DCAF1: variants seen among roughly 807,000 people sequenced by gnomAD.
The protein encoded by DCAF1 is DDB1 and CUL4 associated factor 1.
DCAF1 carries 15 observed loss-of-function variants against 128.0 expected under a neutral mutation model. The ratio of observed to expected loss-of-function variants is 0.12; its 90% CI spans 0.08 to 0.18. DCAF1 has a LOEUF of 0.18. Ranked by LOEUF, DCAF1 falls within the 10% of genes least tolerant of loss-of-function variation. The pLI is 1.00. For synonymous variants in DCAF1, 610 were observed against 603.0 expected (o/e 1.01, Z -0.17); for missense variants, 988 against 1,649.5 (o/e 0.60, Z 6.95).
chr3:51,435,044 C>G (rs1010833573), intron 9 of DCAF1, among the ~76,000 whole-genome samples: 2 of 152,198 alleles, frequency 1.3e-5, no homozygotes, highest in African/African-American at 4.8e-5. Context: ...GTGCCCTCTT[C>G]AAAAGTTCTC....
intron 3 of DCAF1, among the ~76,000 whole-genome samples, chr3:51,474,743 C>G (rs1364444259): frequency 6.6e-6 from 1 of 151,282 alleles, no homozygotes; most frequent in African/African-American, 2.4e-5. Flanking sequence ...GCGTCAGCTT[C>G]CCAAGTAGGT....
chr3:51,484,631 G>A (rs1289730167), intron 2 of DCAF1, among the ~76,000 whole-genome samples: 2 of 151,736 alleles, frequency 1.3e-5, no homozygotes, highest in East Asian at 3.9e-4. Flanking sequence ...AGTCCTTTGA[G>A]GGAAGTTCTA....
chr3:51,430,688 AT>A (rs1215569709), intron 10 of DCAF1, among the ~76,000 whole-genome samples: 2 of 152,096 alleles, frequency 1.3e-5, no homozygotes, highest in African/African-American at 4.8e-5. Flanking sequence ...TTTCCTTGAT[AT>A]TTTTTTCTCT....
At chr3:51,460,389 C>T (rs1703408206) in intron 6 of DCAF1, among the ~76,000 whole-genome samples, 2 of 152,068 alleles carry the variant, frequency 1.3e-5, no homozygotes, top group Admixed American at 1.3e-4. Context: ...AACTACAAAC[C>T]ACTGCTCAAT....
At chr3:51,459,710 T>C (rs1185351282) in intron 6 of DCAF1, among the ~76,000 whole-genome samples, 2 of 152,184 alleles carry the variant, frequency 1.3e-5, no homozygotes, top group Non-Finnish European at 2.9e-5. Context: ...TTATCTACCA[T>C]GATCAAGTGG....
intron 3 of DCAF1, 48 bp from the exon 4 acceptor site, chr3:51,471,053 T>C (rs781973342): frequency 7.6e-7 from 1 of 1,312,292 alleles, no homozygotes; most frequent in African/African-American, 1.5e-5. Flanking sequence ...CATAAAAAAA[T>C]GGACCACCAC....
At chr3:51,445,784 G>A (rs1408205251) in intron 6 of DCAF1, among the ~76,000 whole-genome samples, 2 of 152,172 alleles carry the variant, frequency 1.3e-5, no homozygotes, top group Middle Eastern at 6.8e-3. Flanking sequence ...CACCAATAGT[G>A]AATAGAAGTC....
intron 24 of DCAF1, 21 bp downstream of exon 24, chr3:51,403,121 CT>C: frequency 6.3e-7 from 1 of 1,590,730 alleles, no homozygotes; most frequent in Non-Finnish European, 8.6e-7. Context: ...AAGGCTCAGC[CT>C]GAACTCTGCC....
At chr3:51,472,704 G>T (rs1467038816) in intron 3 of DCAF1, among the ~76,000 whole-genome samples, 1 of 148,730 alleles carries the variant, frequency 6.7e-6, no homozygotes, top group African/African-American at 2.5e-5. Context: ...TTCACTCGTT[G>T]CCCAGGCTGG....
At chr3:51,425,753 G>A (rs1559497063) in intron 13 of DCAF1, among the ~76,000 whole-genome samples, 1 of 151,436 alleles carries the variant, frequency 6.6e-6, no homozygotes, top group Non-Finnish European at 1.5e-5. Flanking sequence ...TGGTAGAGAT[G>A]GGGTTTCACC....
intron 24 of DCAF1, among the ~76,000 whole-genome samples, chr3:51,401,250 G>A (rs939047465): frequency 2.0e-5 from 3 of 152,090 alleles, no homozygotes; most frequent in African/African-American, 7.2e-5. Flanking sequence ...AAAGGTACGT[G>A]GGGGCGCATG....
At chr3:51,485,432 C>T (rs782073918) in intron 2 of DCAF1, among the ~76,000 whole-genome samples, 6 of 152,140 alleles carry the variant, frequency 3.9e-5, no homozygotes, top group Non-Finnish European at 1.5e-5. Context: ...CTGAGGTGAG[C>T]TTTGGAGGAC....
intron 6 of DCAF1, among the ~76,000 whole-genome samples, chr3:51,461,805 C>T (rs529348247): frequency 6.6e-6 from 1 of 151,992 alleles, no homozygotes; most frequent in African/African-American, 2.4e-5. Flanking sequence ...AGCAAACTAT[C>T]GCAAGGACAA....
At chr3:51,451,908 A>G (rs782219227) in intron 6 of DCAF1, among the ~76,000 whole-genome samples, 4 of 152,212 alleles carry the variant, frequency 2.6e-5, no homozygotes, top group Admixed American at 6.5e-5. Context: ...AAGTATCAGA[A>G]TGAATTGCAC....
At chr3:51,410,526 A>G (rs191339584) in intron 23 of DCAF1, among the ~76,000 whole-genome samples, 1 of 13,528 alleles carries the variant, frequency 7.4e-5, no homozygotes, top group East Asian at 2.8e-3. Flanking sequence ...TCTCAACAAA[A>G]CACTCTTGCT....
chr3:51,403,695 A>AG (rs1389730913), intron 23 of DCAF1, among the ~76,000 whole-genome samples: 2 of 152,234 alleles, frequency 1.3e-5, no homozygotes, highest in African/African-American at 4.8e-5. Flanking sequence ...TAGGAGCCCA[A>AG]GGGGACTCTT....
chr3:51,468,583 AGCT>A (rs1553647322), intron 4 of DCAF1, among the ~76,000 whole-genome samples: 2 of 152,228 alleles, frequency 1.3e-5, no homozygotes, highest in Admixed American at 6.6e-5. Context: ...ACAAGATGTG[AGCT>A]GCTGCTATGT....
At chr3:51,402,514 C>G (rs1388833654) in intron 24 of DCAF1, among the ~76,000 whole-genome samples, 1 of 151,040 alleles carries the variant, frequency 6.6e-6, no homozygotes, top group South Asian at 2.1e-4. Context: ...TGCTTTCTCA[C>G]TACAACAGCA....
intron 3 of DCAF1, among the ~76,000 whole-genome samples, chr3:51,482,304 G>A (rs1430508187): frequency 6.6e-6 from 1 of 150,668 alleles, no homozygotes; most frequent in African/African-American, 2.4e-5. Context: ...AATTAGTCAG[G>A]TGTGGTGGTG....
Sources: allele counts gnomAD v4.1 joint callset (sites outside exome capture counted in the v4.1 genomes callset), GRCh38; gene constraint gnomAD v4.1.1; transcripts MANE v1.5; gene names NCBI Gene and HGNC (gene_info 2026-07-23, HGNC 2026-07-21).